Variants in ZFAND3 observed in about 807,000 individuals in gnomAD.
ZFAND3 encodes the protein zinc finger AN1-type containing 3.
Under a neutral mutation model 29.6 loss-of-function variants are expected in ZFAND3, and 10 were observed. The observed-to-expected ratio is 0.34, with a 90% CI of 0.21 to 0.57. The LOEUF is 0.57. Ranked by LOEUF, ZFAND3 falls within the 20% of genes least tolerant of loss-of-function variation. ZFAND3 has a pLI of 0.86. For synonymous variants in ZFAND3, 128 were observed against 112.6 expected (o/e 1.14, Z -0.87); for missense variants, 230 against 304.5 (o/e 0.76, Z 1.82).
chr6:37,998,409 T>C lies in ZFAND3; in HGVS notation c.113-63184T>C, dbSNP rs368188035. Among the ~76,000 whole-genome samples the C allele has an allele frequency of 2.2e-4, 34 of 152,218 alleles. No individual in the cohort carries two copies. The East Asian group carries it at 5.8e-3, about 26-fold the overall frequency. ...ACAGTTGTCAAAACATACAGAACTTTTGCAGCACAAAGAATGAATTTTAAT... is the reference window on the plus strand; with the variant it reads ...ACAGTTGTCAAAACATACAGAACTTCTGCAGCACAAAGAATGAATTTTAAT... On this transcript the variant is annotated intron_variant, in intron 2 of 5. Coordinates refer to ENST00000287218, the MANE Select transcript of ZFAND3 (RefSeq NM_021943.3).
At chr6:37,923,984 GT>G (rs561739312) in intron 1 of ZFAND3, among the ~76,000 whole-genome samples, 1 of 149,548 alleles carries the variant, frequency 6.7e-6, no homozygotes, top group Non-Finnish European at 1.5e-5. Flanking sequence ...TTTACTTTTT[GT>G]TTTTTTTTCT....
At chr6:38,083,245 CT>C (rs1487050933) in intron 4 of ZFAND3, among the ~76,000 whole-genome samples, 5 of 152,172 alleles carry the variant, frequency 3.3e-5, no homozygotes, top group Admixed American at 1.3e-4. Flanking sequence ...GCAACCTCAG[CT>C]CCTTTAAATG....
intron 1 of ZFAND3, among the ~76,000 whole-genome samples, chr6:37,893,560 TTTG>T (rs869295076): frequency 6.6e-6 from 1 of 152,144 alleles, no homozygotes; most frequent in Non-Finnish European, 1.5e-5. Context: ...TGTTTGTTTG[TTTG>T]TTTTTTTGAA....
chr6:38,053,714 C>G (rs1480762041), intron 2 of ZFAND3, among the ~76,000 whole-genome samples: 1 of 151,978 alleles, frequency 6.6e-6, no homozygotes, highest in Non-Finnish European at 1.5e-5. Context: ...AAAAAAGATG[C>G]TATCAAAGGA....
intron 2 of ZFAND3, among the ~76,000 whole-genome samples, chr6:37,966,967 A>G (rs1489396235): frequency 2.0e-5 from 3 of 152,098 alleles, no homozygotes; most frequent in African/African-American, 7.2e-5. Flanking sequence ...CAAGCTATGT[A>G]CCTTTGCAGG....
chr6:37,952,420 T>G (rs996767057), intron 2 of ZFAND3, among the ~76,000 whole-genome samples: 2 of 152,168 alleles, frequency 1.3e-5, no homozygotes, highest in Non-Finnish European at 2.9e-5. Context: ...TTCTTCCTGG[T>G]TCAATCTTGG....
At chr6:38,028,223 CATGTT>C (rs1352892659) in intron 2 of ZFAND3, among the ~76,000 whole-genome samples, 1 of 152,104 alleles carries the variant, frequency 6.6e-6, no homozygotes, top group Non-Finnish European at 1.5e-5. Flanking sequence ...TAAGAGTACT[CATGTT>C]ATGTGGCATA....
chr6:38,116,979 A>G (rs1304011977), intron 5 of ZFAND3, among the ~76,000 whole-genome samples: 1 of 152,200 alleles, frequency 6.6e-6, no homozygotes, highest in East Asian at 1.9e-4. Context: ...CTTAATGCAT[A>G]TCTCCTTAGA....
intron 2 of ZFAND3, among the ~76,000 whole-genome samples, chr6:37,974,921 A>C (rs572085648): frequency 1.3e-5 from 2 of 152,222 alleles, no homozygotes; most frequent in African/African-American, 4.8e-5. Context: ...GTAGGTAGGA[A>C]TATAGATGTG....
intron 1 of ZFAND3, among the ~76,000 whole-genome samples, chr6:37,875,251 A>T (rs1352044679): frequency 1.3e-5 from 2 of 152,158 alleles, no homozygotes; most frequent in Non-Finnish European, 2.9e-5. Context: ...TTGGGAGTGG[A>T]TTGGAGTTGC....
intron 4 of ZFAND3, among the ~76,000 whole-genome samples, chr6:38,086,545 C>A (rs1435731008): frequency 6.6e-6 from 1 of 152,188 alleles, no homozygotes; most frequent in African/African-American, 2.4e-5. Flanking sequence ...TTAATTCTCA[C>A]AACATTCCTG....
chr6:37,931,909 G>GT (rs752090839), intron 2 of ZFAND3, among the ~76,000 whole-genome samples: 1 of 152,174 alleles, frequency 6.6e-6, no homozygotes, highest in Non-Finnish European at 1.5e-5. Context: ...AGATACTTAG[G>GT]TTTTTAAAAG....
At chr6:38,076,239 A>G (rs1264332106) in intron 3 of ZFAND3, among the ~76,000 whole-genome samples, 1 of 152,160 alleles carries the variant, frequency 6.6e-6, no homozygotes, top group Non-Finnish European at 1.5e-5. Flanking sequence ...TAAGGTATGT[A>G]CATTGTTTCT....
At chr6:37,840,770 C>G (rs902274048) in intron 1 of ZFAND3, among the ~76,000 whole-genome samples, 94 of 152,214 alleles carry the variant, frequency 6.2e-4, no homozygotes, top group African/African-American at 2.0e-3. Context: ...GTAGTTTTCA[C>G]TGTACAATGA....
chr6:37,945,213 G>A (rs927158360), intron 2 of ZFAND3, among the ~76,000 whole-genome samples: 1 of 152,168 alleles, frequency 6.6e-6, no homozygotes, highest in Non-Finnish European at 1.5e-5. Context: ...GCTTATGTAT[G>A]TATTTCAACA....
chr6:37,896,514 TTTTCTTTCTTTCTTTC>T (rs58666227), intron 1 of ZFAND3, among the ~76,000 whole-genome samples: 146 of 109,174 alleles, frequency 1.3e-3, no homozygotes, highest in African/African-American at 3.2e-3. Context: ...TTCCTCTTTC[TTTTCTTTCTTTCTTTC>T]TTTCTTTCTT....
chr6:37,970,627 G>A (rs1048808041), intron 2 of ZFAND3, among the ~76,000 whole-genome samples: 13 of 152,182 alleles, frequency 8.5e-5, no homozygotes, highest in East Asian at 3.9e-4. Flanking sequence ...GGGGCCAGGC[G>A]CGCGGTGGCT....
chr6:37,865,134 T>A (rs1764565830), intron 1 of ZFAND3, among the ~76,000 whole-genome samples: 1 of 152,084 alleles, frequency 6.6e-6, no homozygotes, highest in Non-Finnish European at 1.5e-5. Context: ...GCCGATAGCG[T>A]GCCACTGCAC....
chr6:37,993,407 A>G (rs957659989), intron 2 of ZFAND3, among the ~76,000 whole-genome samples: 1 of 147,204 alleles, frequency 6.8e-6, no homozygotes, highest in Non-Finnish European at 1.5e-5. Context: ...GCTCACTGCA[A>G]CCTCCACCTC....
Sources: allele counts gnomAD v4.1 joint callset (sites outside exome capture counted in the v4.1 genomes callset), GRCh38; gene constraint gnomAD v4.1.1; transcripts MANE v1.5; gene names NCBI Gene and HGNC (gene_info 2026-07-23, HGNC 2026-07-21).